Variants in COL4A1 observed in about 807,000 individuals in gnomAD.
COL4A1 encodes collagen alpha-1(IV) chain.
In COL4A1, 40 loss-of-function variants were observed where a neutral mutation model predicts 216.6. The observed-to-expected ratio is 0.18, with a 90% confidence interval of 0.14 to 0.24. The LOEUF is 0.24. Among genes scored for constraint, COL4A1 ranks in the 10% least tolerant of loss-of-function variants. COL4A1 has a pLI of 1.00. For synonymous variants in COL4A1, 839 were observed against 810.7 expected (o/e 1.03, Z -0.59); for missense variants, 1,628 against 2,196.8 (o/e 0.74, Z 5.18).
chr13:110,177,136 A>G, intron 33 of COL4A1, 99 bp from the exon 34 acceptor site: 1 of 1,570,802 alleles, frequency 6.4e-7, no homozygotes, highest in Non-Finnish European at 8.6e-7. Context: ...GCTGGCAAAA[A>G]GGCTACAAAG....
At chr13:110,185,635 C>A (rs879389674) in intron 26 of COL4A1, among the ~76,000 whole-genome samples, 2 of 152,208 alleles carry the variant, frequency 1.3e-5, no homozygotes, top group Non-Finnish European at 2.9e-5. Context: ...GAAGAACAGG[C>A]GTGCTCCATG....
At chr13:110,245,686 GC>G (rs1245432078) in intron 1 of COL4A1, among the ~76,000 whole-genome samples, 2 of 152,220 alleles carry the variant, frequency 1.3e-5, no homozygotes, top group Admixed American at 1.3e-4. Context: ...CTGGAACTGG[GC>G]CCTTAAGCCA....
rs1879793718 is a variant in COL4A1, at chr13:110,211,512, T to A, written c.468+135A>T. On this transcript the variant is annotated intron_variant, in intron 8 of 51. Coordinates refer to ENST00000375820, the MANE Select transcript of COL4A1 (RefSeq NM_001845.6). The surrounding 1 kb of genome is among the most constrained non-coding windows in gnomAD (Gnocchi z 4.3). Reference sequence around the variant, plus strand: ...GGGTTACTTGTACAGTCTTTTCATGTAACAGAGTTTAGGGAAGTGTGTTCA... The same window carrying A: ...GGGTTACTTGTACAGTCTTTTCATGAAACAGAGTTTAGGGAAGTGTGTTCA... 1.3e-6 allele frequency: 1 copy of A among 759,768 alleles called. No individual in the cohort carries two copies. The highest frequency in any genetic ancestry group is 1.8e-5 in the African/African-American group (1 of 56,484). The allele number at this position is 759,768 out of a possible 1,614,324, so 47.1% of individuals were successfully genotyped here.
In COL4A1 at chr13:110,167,173, C is replaced by T. The variant is rs761405249; in HGVS notation, c.3934G>A (p.Val1312Ile). The T allele has an allele frequency of 7.4e-6, 12 of 1,613,888 alleles. No homozygotes were observed. Among genetic ancestry groups the T allele is most frequent in the Non-Finnish European group, 1.0e-5 (12 of 1,179,898 alleles). Residue 1312 changes from valine to isoleucine, a missense_variant, in exon 44 of 52, where the codon GTT becomes ATT. This residue lies in a region of COL4A1 where 345 missense variants were observed against 476.9 expected (regional missense o/e 0.72). Transcript: ENST00000375820. The stretch of plus-strand genomic sequence containing the variant: ...GCTGTCTTACCTTGAAATCCTGGAA[C>T]TCCTGGAGGCCCCATATCACCCTTA... Reference protein sequence around the residue: ...GSKGDMGPPGVPGFQGPKGLP... With the variant: ...GSKGDMGPPGIPGFQGPKGLP...
intron 42 of COL4A1, 116 bp from the exon 43 acceptor site, chr13:110,169,878 C>A: frequency 7.3e-7 from 1 of 1,367,138 alleles, no homozygotes; most frequent in Non-Finnish European, 9.9e-7. Context: ...ACTGGACCAA[C>A]AGTGACAACC....
chr13:110,188,575 A>G (rs1333325112), intron 24 of COL4A1, among the ~76,000 whole-genome samples: 1 of 152,234 alleles, frequency 6.6e-6, no homozygotes, highest in African/African-American at 2.4e-5. Context: ...ACTCAGCCAG[A>G]AAGTGCTGGA....
At chr13:110,256,252 G>C (rs769464412) in intron 1 of COL4A1, among the ~76,000 whole-genome samples, 3 of 152,078 alleles carry the variant, frequency 2.0e-5, no homozygotes, top group African/African-American at 4.8e-5. Context: ...TTCTACCTTC[G>C]GGCATATTCT....
intron 17 of COL4A1, among the ~76,000 whole-genome samples, chr13:110,204,713 G>C (rs1216085535): frequency 6.7e-6 from 1 of 150,060 alleles, no homozygotes; most frequent in Non-Finnish European, 1.5e-5. Context: ...GGACTTTCTG[G>C]GGCAATTTGG....
chr13:110,247,834 T>TGTGTGG (rs1491092763), intron 1 of COL4A1, among the ~76,000 whole-genome samples: 7 of 87,308 alleles, frequency 8.0e-5, no homozygotes, highest in African/African-American at 3.4e-4. Context: ...TGTGTGTGTG[T>TGTGTGG]GGCAGAGAGA....
At chr13:110,210,834 A>G (rs2139203395) in intron 8 of COL4A1, among the ~76,000 whole-genome samples, 1 of 152,186 alleles carries the variant, frequency 6.6e-6, no homozygotes, top group African/African-American at 2.4e-5. Flanking sequence ...AGGAAGAGGG[A>G]ATTCTGCCCA....
chr13:110,171,417 C>T (rs925702484), intron 41 of COL4A1, among the ~76,000 whole-genome samples: 1 of 151,980 alleles, frequency 6.6e-6, no homozygotes, highest in Non-Finnish European at 1.5e-5. Context: ...AGACCTATGT[C>T]AGCCTTATCA....
intron 1 of COL4A1, among the ~76,000 whole-genome samples, chr13:110,287,673 C>A (rs1337052559): frequency 1.3e-5 from 2 of 152,208 alleles, no homozygotes; most frequent in Non-Finnish European, 2.9e-5. Flanking sequence ...GATGGCCTTG[C>A]CTGGGCGGCT....
chr13:110,162,172 A>G, intron 48 of COL4A1, 58 bp downstream of exon 48: 1 of 1,483,626 alleles, frequency 6.7e-7, no homozygotes, highest in Non-Finnish European at 9.4e-7. Flanking sequence ...AGCACTGCAC[A>G]CCGAAGGCAC....
chr13:110,267,225 GC>G (rs1039067269), intron 1 of COL4A1, among the ~76,000 whole-genome samples: 1 of 152,164 alleles, frequency 6.6e-6, no homozygotes, highest in African/African-American at 2.4e-5. Flanking sequence ...GAAGGACCTC[GC>G]ACTATCTGGT....
At chr13:110,169,941 G>A (rs28544154) in intron 42 of COL4A1, among the ~76,000 whole-genome samples, 179 bp from the exon 43 acceptor site, 16 of 67,688 alleles carry the variant, frequency 2.4e-4, no homozygotes, top group South Asian at 7.3e-4. Flanking sequence ...GGGAGGGAGG[G>A]AGGGAATAGA....
rs765202556 is a variant in COL4A1, at chr13:110,185,955, AG to A, written c.1897+429del. 4.3e-4 allele frequency among the ~76,000 whole-genome samples: 66 copies of A among 152,350 alleles called. No individual in the cohort carries two copies. The Middle Eastern group carries it at 0.017, about 39-fold the overall frequency. On this transcript the variant is annotated intron_variant, in intron 26 of 51. Transcript: ENST00000375820. ...TGGAATGAAATCGTCATCGCGCTGT[AG>A]GACCTCTAAATCCATTCACAGGCGT...
rs965592165 is a variant in COL4A1 at position 110,211,754 on chromosome 13, T to C, written c.442-81A>G. ...AAAATTGTTATCATGTAATATTATA[T>C]ATAAAATATAAGTTATTAAAACATA... On this transcript the variant is annotated intron_variant, in intron 7 of 51. Coordinates refer to ENST00000375820, the MANE Select transcript of COL4A1 (RefSeq NM_001845.6). The surrounding 1 kb of genome is among the most constrained non-coding windows in gnomAD (Gnocchi z 4.3). 1.4e-5 allele frequency: 20 copies of C among 1,435,374 alleles called. No homozygotes were observed. Among genetic ancestry groups the C allele is most frequent in the Middle Eastern group, 2.3e-4 (1 of 4,268 alleles). 88.9% of individuals were successfully genotyped at this position (1,435,374 alleles called of 1,614,324 possible).
chr13:110,157,675 T>C (rs965320578), intron 49 of COL4A1, among the ~76,000 whole-genome samples: 3 of 152,200 alleles, frequency 2.0e-5, no homozygotes, highest in Non-Finnish European at 4.4e-5. Context: ...CCTGGGACAT[T>C]TCAGGACTTT....
At chr13:110,206,782 T>C (rs1879537639) in intron 14 of COL4A1, 67 bp from the exon 15 acceptor site, 4 of 1,608,458 alleles carry the variant, frequency 2.5e-6, no homozygotes, top group Non-Finnish European at 3.4e-6. Context: ...TAGATAGATA[T>C]TAAACTTAAG....
Sources: gnomAD v4.1 joint callset for allele counts (sites outside exome capture counted in the v4.1 genomes callset) on GRCh38, gnomAD v4.1.1 for gene constraint, gnomAD v4.1.1 regional missense constraint, Gnocchi (gnomAD v3.1) non-coding constraint, MANE v1.5 for transcripts, NCBI Gene and HGNC (gene_info 2026-07-23, HGNC 2026-07-21) for gene names.